Variants in CWF19L2 observed in about 807,000 individuals in gnomAD.
CWF19L2 encodes CWF19 like cell cycle control factor 2, also known as CWF19-like protein 2.
CWF19L2 carries 98 observed loss-of-function variants against 111.7 expected under a neutral mutation model. The observed-to-expected ratio is 0.88, with a 90% CI of 0.75 to 1.04. The LOEUF is 1.04. Ranked by LOEUF, CWF19L2 falls within the 50% of genes least tolerant of loss-of-function variation. The pLI is 0.00. For missense variants in CWF19L2, 1,101 were observed against 1,051.4 expected, an observed-to-expected ratio of 1.05 and a Z score of -0.65; for synonymous variants, 351 against 342.9, an observed-to-expected ratio of 1.02 and a Z score of -0.26.
At chr11:107,372,115 C>G (rs952362234) in intron 12 of CWF19L2, among the ~76,000 whole-genome samples, 3 of 134,110 alleles carry the variant, frequency 2.2e-5, no homozygotes, top group Non-Finnish European at 4.7e-5. Flanking sequence ...TTATTGAATG[C>G]TATTATGTGT....
intron 11 of CWF19L2, among the ~76,000 whole-genome samples, chr11:107,392,176 A>G (rs1270298933): frequency 1.3e-5 from 2 of 152,214 alleles, no homozygotes; most frequent in African/African-American, 2.4e-5. Context: ...CATTTGACAG[A>G]AATATTCTGA....
chr11:107,401,864 G>A (rs548081959), intron 10 of CWF19L2, among the ~76,000 whole-genome samples: 15 of 152,238 alleles, frequency 9.9e-5, no homozygotes, highest in African/African-American at 3.6e-4. Context: ...AAACAGCATG[G>A]TACTGGTATA....
chr11:107,411,001 C>G lies in CWF19L2; in HGVS notation c.1617+5208G>C, dbSNP rs186568808. On this transcript the variant is annotated intron_variant, in intron 10 of 17. Coordinates refer to ENST00000282251, the MANE Select transcript of CWF19L2 (RefSeq NM_152434.3). ...TGGTCAATTTATTTGGTAGGGTCAG[C>G]AAAGCTTGACTACAAGAAGTAACAC... 3.7e-3 allele frequency among the ~76,000 whole-genome samples: 559 copies of G among 151,872 alleles called. 3 individuals are homozygous for G. Among genetic ancestry groups the G allele is most frequent in the African/African-American group, 0.013 (521 of 41,400 alleles).
chr11:107,457,435 G>A (rs1861870896), intron 1 of CWF19L2, among the ~76,000 whole-genome samples: 1 of 151,866 alleles, frequency 6.6e-6, no homozygotes, highest in Non-Finnish European at 1.5e-5. Flanking sequence ...CAGTCCGAGT[G>A]ATAGAAATGT....
intron 10 of CWF19L2, among the ~76,000 whole-genome samples, chr11:107,393,552 G>C (rs11212200): frequency 0.012 from 1,778 of 152,198 alleles, 38 homozygotes; most frequent in African/African-American, 0.041. Context: ...CAAAGGAAAA[G>C]AAATTGTTAT....
Position 107,455,752 on chromosome 11 carries a change from C to G in CWF19L2, c.130G>C (p.Glu44Gln). ...RQAKANFEKE[E>Q]RRKELKRLRG... ...AGTCGCTTAAGTTCTTTACGCCTTT[C>G]TTCTTTTTCAAAATTGGCTTTAGCC... The change falls in exon 2 of 18, where the codon GAA becomes CAA. Residue 44 changes from glutamate to glutamine, a missense_variant. Transcript: ENST00000282251. 6.5e-7 allele frequency: 1 copy of G among 1,550,256 alleles called. No individual in the cohort carries two copies. Among genetic ancestry groups the G allele is most frequent in the Non-Finnish European group, 8.7e-7 (1 of 1,146,270 alleles).
At chr11:107,400,357 CCTTA>C (rs1860983008) in intron 10 of CWF19L2, among the ~76,000 whole-genome samples, 1 of 151,878 alleles carries the variant, frequency 6.6e-6, no homozygotes, top group African/African-American at 2.4e-5. Context: ...ATCCAAATAA[CCTTA>C]CTAAGAAACA....
intron 16 of CWF19L2, among the ~76,000 whole-genome samples, 172 bp downstream of exon 16, chr11:107,334,705 TACAA>T (rs1213484800): frequency 2.6e-5 from 4 of 152,166 alleles, no homozygotes; most frequent in Admixed American, 6.5e-5. Flanking sequence ...AAAAACCCTC[TACAA>T]ACAAATAAGC....
chr11:107,453,681 G>A (rs1222423341), intron 3 of CWF19L2, among the ~76,000 whole-genome samples: 1 of 151,566 alleles, frequency 6.6e-6, no homozygotes. Context: ...TGCGCCTTAG[G>A]TACCAGCTCA....
chr11:107,328,302 C>T (rs1049167996), intron 17 of CWF19L2, among the ~76,000 whole-genome samples: 9 of 152,088 alleles, frequency 5.9e-5, no homozygotes, highest in Non-Finnish European at 1.0e-4. Flanking sequence ...TTCTCAGCAT[C>T]GGTCCAAATA....
intron 3 of CWF19L2, among the ~76,000 whole-genome samples, chr11:107,446,235 C>T (rs1591210251): frequency 6.6e-6 from 1 of 152,302 alleles, no homozygotes; most frequent in Non-Finnish European, 1.5e-5. Flanking sequence ...CCTATTAATT[C>T]TTACAGTTTC....
chr11:107,454,929 T>A (rs1861832672), intron 2 of CWF19L2, among the ~76,000 whole-genome samples: 1 of 152,100 alleles, frequency 6.6e-6, no homozygotes, highest in Non-Finnish European at 1.5e-5. Flanking sequence ...TATCCCTCTA[T>A]GGTCTCCCCA....
chr11:107,327,102 A>C, intron 17 of CWF19L2, 49 bp from the exon 18 acceptor site: 1 of 1,468,320 alleles, frequency 6.8e-7, no homozygotes, highest in African/African-American at 1.4e-5. Flanking sequence ...TAAATAATGA[A>C]AACAGAAATG....
Position 107,402,374 on chromosome 11 carries a change from C to G in CWF19L2, c.1618-9479G>C, listed in dbSNP as rs552010962. Among the ~76,000 whole-genome samples the G allele has an allele frequency of 1.6e-3, 240 of 147,232 alleles. 1 individual carries two copies. Among genetic ancestry groups the G allele is most frequent in the African/African-American group, 5.5e-3 (220 of 39,878 alleles). Reference sequence around the variant, plus strand: ...ATCCAGAATCTACAACGAACTCAAACAAATCAGTAAGAAAAAAAAAAAAAC... The same window carrying G: ...ATCCAGAATCTACAACGAACTCAAAGAAATCAGTAAGAAAAAAAAAAAAAC... On this transcript the variant is annotated intron_variant, in intron 10 of 17. Coordinates refer to ENST00000282251, the MANE Select transcript of CWF19L2 (RefSeq NM_152434.3).
chr11:107,334,308 G>A (rs189793801), intron 16 of CWF19L2, among the ~76,000 whole-genome samples: 9 of 152,116 alleles, frequency 5.9e-5, no homozygotes, highest in Admixed American at 3.3e-4. Flanking sequence ...ATTACCAGAC[G>A]TGCTCAACTT....
chr11:107,411,089 GCACACACACA>G (rs146846176), intron 10 of CWF19L2, among the ~76,000 whole-genome samples: 19,987 of 148,732 alleles, frequency 0.13, 1,694 homozygotes, highest in Non-Finnish European at 0.2. Flanking sequence ...GCGCGTGCGT[GCACACACACA>G]CACACACACA....
At chr11:107,403,632 CG>C in intron 10 of CWF19L2, 2 of 775,486 alleles carry the variant, frequency 2.6e-6, no homozygotes, top group Non-Finnish European at 4.7e-6. Context: ...ATGTTCTCCT[CG>C]TCTTTCTTCT....
At chr11:107,337,367 T>TTGTGTGTGTG (rs5794537) in intron 14 of CWF19L2, among the ~76,000 whole-genome samples, 18 of 148,218 alleles carry the variant, frequency 1.2e-4, no homozygotes, top group East Asian at 4.0e-4. Flanking sequence ...GGTGTGTGTT[T>TTGTGTGTGTG]TGTGTGTGTG....
rs12099241 is a variant in CWF19L2 at position 107,332,304 on chromosome 11, T to C, written c.2440-2285A>G. On this transcript the variant is annotated intron_variant, in intron 16 of 17. Transcript: ENST00000282251. The stretch of plus-strand genomic sequence containing the variant: ...AACAGCCTTGTGAAAAATGACTGCT[T>C]TTCTCGACAGTTACTTATTATCATG... Among the ~76,000 whole-genome samples, 1,164 of 152,278 alleles carry C rather than the reference T, an allele frequency of 7.6e-3. 14 individuals are homozygous for C. The highest frequency in any genetic ancestry group is 0.027 in the African/African-American group (1,103 of 41,552).
Sources: allele counts gnomAD v4.1 joint callset (sites outside exome capture counted in the v4.1 genomes callset), GRCh38; gene constraint gnomAD v4.1.1; transcripts MANE v1.5; gene names NCBI Gene and HGNC (gene_info 2026-07-23, HGNC 2026-07-21).